The following SEC61A2 variants were observed in gnomAD, a reference collection of about 807,000 sequenced individuals.
The protein encoded by SEC61A2 is SEC61 translocon subunit alpha 2.
A neutral mutation model predicts 59.9 loss-of-function variants in SEC61A2; 28 were observed. That is an observed-to-expected ratio of 0.47 (90% CI 0.35 to 0.64). SEC61A2 has a LOEUF of 0.64. Ranked by LOEUF, SEC61A2 falls within the 30% of genes least tolerant of loss-of-function variation. The pLI, the probability that SEC61A2 is intolerant of heterozygous loss-of-function variation, is 0.01. For missense variants in SEC61A2, 340 were observed against 585.9 expected, an observed-to-expected ratio of 0.58 and a Z score of 4.33; for synonymous variants, 202 against 214.4, an observed-to-expected ratio of 0.94 and a Z score of 0.50.
At chr10:12,157,537 T>A (rs1473312719) in intron 8 of SEC61A2, among the ~76,000 whole-genome samples, 1 of 138,552 alleles carries the variant, frequency 7.2e-6, no homozygotes, top group African/African-American at 2.7e-5. Flanking sequence ...GGAGTCTTGC[T>A]CTGTCGCCAG....
Position 12,143,118 on chromosome 10 carries a change from T to A in SEC61A2, c.143T>A (p.Ile48Asn). 6.2e-7 allele frequency: 1 copy of A among 1,607,764 alleles called. No individual in the cohort carries two copies. Among genetic ancestry groups the A allele is most frequent in the Non-Finnish European group, 8.5e-7 (1 of 1,174,252 alleles). Residue 48 changes from isoleucine to asparagine, a missense_variant and splice_region_variant, in exon 4 of 12, where the codon ATC becomes AAC. Physicochemically the swap from Ile to Asn is moderately radical, Grantham distance 149. Around this residue, in one of 3 missense-constraint regions of SEC61A2, gnomAD observed 16 missense variants for 55.0 expected, o/e 0.29. Transcript: ENST00000298428. The surrounding 1 kb of genome is among the most constrained non-coding windows in gnomAD (Gnocchi z 4.8). ...TLFIFLVCCQ[I>N]PLFGIMSSDS... The stretch of plus-strand genomic sequence containing the variant: ...AAACTATTTTGTGTACTATTTTAGA[T>A]CCCACTGTTTGGAATCATGTCATCA...
chr10:12,129,713 A>T lies in SEC61A2; in HGVS notation c.-75A>T. On this transcript the variant is annotated 5_prime_UTR_variant, in exon 1 of 12. Transcript: ENST00000298428. The surrounding 1 kb of genome is among the most constrained non-coding windows in gnomAD (Gnocchi z 5.6). The stretch of plus-strand genomic sequence containing the variant: ...AGGATCGCGTCGGGAGCCGGTACCG[A>T]GGCCCGAGCCGCGGGAGTCGAGCGA... The T allele has an allele frequency of 7.1e-7, 1 of 1,409,200 alleles. No individual in the cohort carries two copies. The highest frequency in any genetic ancestry group is 9.5e-7 in the Non-Finnish European group (1 of 1,057,350). 87.3% of individuals were successfully genotyped at this position (1,409,200 alleles called of 1,614,324 possible).
chr10:12,139,143 G>A (rs1426411028), intron 3 of SEC61A2, among the ~76,000 whole-genome samples: 1 of 151,768 alleles, frequency 6.6e-6, no homozygotes, highest in Non-Finnish European at 1.5e-5. Flanking sequence ...TGTATTTTTC[G>A]TAGAGCTGGG....
intron 11 of SEC61A2, among the ~76,000 whole-genome samples, chr10:12,163,702 A>G (rs1187152713): frequency 6.6e-6 from 1 of 151,998 alleles, no homozygotes; most frequent in Non-Finnish European, 1.5e-5. Flanking sequence ...ATTTTTCCTT[A>G]AACTTTTTAT....
rs1358578035 is a variant in SEC61A2, at chr10:12,142,350, TG to T, written c.142-762del. The stretch of plus-strand genomic sequence containing the variant: ...TCTAGATATTGCCAAATGTCTTGGG[TG>T]GGGGCTAAAATCACCCCTAGTTTAG... On this transcript the variant is annotated intron_variant, in intron 3 of 11. Coordinates refer to ENST00000298428, the MANE Select transcript of SEC61A2 (RefSeq NM_018144.4). The surrounding 1 kb of genome is among the most constrained non-coding windows in gnomAD (Gnocchi z 5.4). 9.7e-6 allele frequency: 2 copies of T among 206,500 alleles called. No homozygotes were observed. Among genetic ancestry groups the T allele is most frequent in the South Asian group, 1.7e-4 (1 of 5,962 alleles). 12.8% of individuals were successfully genotyped at this position (206,500 alleles called of 1,614,324 possible).
At chr10:12,141,518 TG>T (rs1414725077) in intron 3 of SEC61A2, among the ~76,000 whole-genome samples, 16 of 152,340 alleles carry the variant, frequency 1.1e-4, no homozygotes, top group African/African-American at 3.8e-4. Flanking sequence ...TTTTTGTTGT[TG>T]TTTTAATGAA....
downstream of SEC61A2, among the ~76,000 whole-genome samples, chr10:12,168,611 G>A (rs868272106): frequency 6.6e-6 from 1 of 152,214 alleles, no homozygotes; most frequent in Non-Finnish European, 1.5e-5. This position sits in a 1 kb window ranked among gnomAD's most constrained non-coding sequence, Gnocchi z 4.8. Context: ...GAGGTTGCCA[G>A]ATGTAAAATC....
At chr10:12,148,678 T>C (rs1306012959) in intron 4 of SEC61A2, among the ~76,000 whole-genome samples, 1 of 151,990 alleles carries the variant, frequency 6.6e-6, no homozygotes, top group Non-Finnish European at 1.5e-5. Context: ...TAGCTGGGAC[T>C]ACAGGCGCAC....
chr10:12,164,110 G>A lies in SEC61A2; in HGVS notation c.1245-158G>A, dbSNP rs533514074. 6.6e-5 allele frequency among the ~76,000 whole-genome samples: 10 copies of A among 152,270 alleles called. No individual in the cohort carries two copies. In the East Asian group the frequency reaches 7.7e-4, roughly 12 times the overall value. ...GGATCAGAGCTCCTGTTCCCATGCC[G>A]TGCCCTGCACACCCCTCCACACTGC... On this transcript the variant is annotated intron_variant, in intron 11 of 11. Coordinates refer to ENST00000298428, the MANE Select transcript of SEC61A2 (RefSeq NM_018144.4). The surrounding 1 kb of genome is among the most constrained non-coding windows in gnomAD (Gnocchi z 7.3).
intron 3 of SEC61A2, among the ~76,000 whole-genome samples, chr10:12,141,320 G>C (rs1435981040): frequency 6.6e-6 from 1 of 152,182 alleles, no homozygotes; most frequent in Non-Finnish European, 1.5e-5. Context: ...GGGAGGTTTA[G>C]GTTGACCAGG....
chr10:12,168,878 C>T (rs572190701), downstream of SEC61A2, among the ~76,000 whole-genome samples: 244 of 152,046 alleles, frequency 1.6e-3, 1 homozygote, highest in African/African-American at 5.5e-3. The surrounding 1 kb of genome is among the most constrained non-coding windows in gnomAD (Gnocchi z 4.8). Context: ...TTCTCCTGCC[C>T]CAGCCTCCTG....
At chr10:12,136,345 G>A (rs1277067121) in intron 3 of SEC61A2, among the ~76,000 whole-genome samples, 175 bp downstream of exon 3, 1 of 152,092 alleles carries the variant, frequency 6.6e-6, no homozygotes, top group African/African-American at 2.4e-5. Context: ...GTCTCACTCT[G>A]TTGCCCAAGC....
intron 1 of SEC61A2, among the ~76,000 whole-genome samples, chr10:12,130,361 CT>C (rs1833704059): frequency 6.6e-6 from 1 of 152,162 alleles, no homozygotes; most frequent in South Asian, 2.1e-4. Flanking sequence ...TTTCAGGGCC[CT>C]CCCCGTAACA....
At chr10:12,169,335 C>A (rs1388315089), downstream of SEC61A2, 1 of 1,543,150 alleles carries the variant, frequency 6.5e-7, no homozygotes, top group Non-Finnish European at 8.8e-7. The surrounding 1 kb of genome is among the most constrained non-coding windows in gnomAD (Gnocchi z 4.8). Context: ...TAAAAGATAA[C>A]CCCGCACGGC....
At position 12,161,240 on chromosome 10, in the gene SEC61A2, A is replaced by C. The variant is rs1834520195; in HGVS notation, c.1167+119A>C. On this transcript the variant is annotated intron_variant, in intron 10 of 11. Coordinates refer to ENST00000298428, the MANE Select transcript of SEC61A2 (RefSeq NM_018144.4). This position sits in a 1 kb window ranked among gnomAD's most constrained non-coding sequence, Gnocchi z 5.4. ...ATCGCTTCACCTCAGGAGTTTTGAG[A>C]CCAGCCTGGGCAACATAGCGAGACC... 3 of 755,408 alleles carry C rather than the reference A, an allele frequency of 4.0e-6. No individual in the cohort carries two copies. 46.8% of individuals were successfully genotyped at this position (755,408 alleles called of 1,614,324 possible).
chr10:12,160,958 C>T lies in SEC61A2; in HGVS notation c.1004C>T (p.Ser335Phe), dbSNP rs771055166. 2 of 1,613,990 alleles carry T rather than the reference C, an allele frequency of 1.2e-6. No homozygotes were observed. Among genetic ancestry groups the T allele is most frequent in the Admixed American group, 3.3e-5 (2 of 59,986 alleles). ...GTCAGTGGGGGAGGACCCGCACGTT[C>T]TTACCCAGTTGGAGGCCTTTGTTAC... ...ADVSGGGPAR[S>F]YPVGGLCYYL... The change falls in exon 10 of 12, where the codon TCT becomes TTT. Residue 335 changes from serine (S) to phenylalanine (F), a missense_variant. Physicochemically the swap from Ser to Phe is radical, Grantham distance 155. Coordinates refer to ENST00000298428, the MANE Select transcript of SEC61A2 (RefSeq NM_018144.4). The surrounding 1 kb of genome is among the most constrained non-coding windows in gnomAD (Gnocchi z 4.1).
Position 12,162,227 on chromosome 10 carries a change from G to A in SEC61A2, c.1182G>A (p.Leu394=), listed in dbSNP as rs755648718. Residue 394 remains leucine (L), a synonymous_variant, in exon 11 of 12, where the codon CTG becomes CTA. Coordinates refer to ENST00000298428, the MANE Select transcript of SEC61A2 (RefSeq NM_018144.4). This position sits in a 1 kb window ranked among gnomAD's most constrained non-coding sequence, Gnocchi z 6.1. ...TCTCTCGGCAGGTAGCTAAACAGCT[G>A]AAAGAACAGCAGATGGTAATGAGGG... ...GSSAKDVAKQ[L]KEQQMVMRGH... 1 of 1,613,828 alleles carries A rather than the reference G, an allele frequency of 6.2e-7. No homozygotes were observed. Among genetic ancestry groups the A allele is most frequent in the East Asian group, 2.2e-5 (1 of 44,876 alleles).
chr10:12,136,212 C>A, intron 3 of SEC61A2, 42 bp downstream of exon 3: 1 of 1,282,352 alleles, frequency 7.8e-7, no homozygotes, highest in South Asian at 1.2e-5. Flanking sequence ...CACCATTGTT[C>A]TAAGGTTTTG....
At chr10:12,147,048 G>A (rs1370450211) in intron 4 of SEC61A2, among the ~76,000 whole-genome samples, 1 of 152,050 alleles carries the variant, frequency 6.6e-6, no homozygotes, top group Non-Finnish European at 1.5e-5. Context: ...GCACCACCAT[G>A]TCTGACTAGT....
Sources: allele counts gnomAD v4.1 joint callset (sites outside exome capture counted in the v4.1 genomes callset), GRCh38; gene constraint gnomAD v4.1.1; regional missense constraint gnomAD v4.1.1; non-coding constraint Gnocchi (gnomAD v3.1); transcripts MANE v1.5; gene names NCBI Gene and HGNC (gene_info 2026-07-23, HGNC 2026-07-21).